Variants in SLIT3 observed in about 807,000 individuals in gnomAD.
SLIT3 encodes the protein slit homolog 3 protein.
A neutral mutation model predicts 184.0 loss-of-function variants in SLIT3; 68 were observed. The ratio of observed to expected loss-of-function variants is 0.37; its 90% confidence interval spans 0.30 to 0.45. The LOEUF (loss-of-function observed/expected upper bound fraction) is 0.45. Among genes scored for constraint, SLIT3 ranks in the 20% least tolerant of loss-of-function variants. The pLI, the probability that SLIT3 is intolerant of heterozygous loss-of-function variation, is 1.00. For missense variants in SLIT3, 1,707 were observed against 2,026.0 expected, an observed-to-expected ratio of 0.84 and a Z score of 3.02; for synonymous variants, 831 against 828.6, an observed-to-expected ratio of 1.00 and a Z score of -0.05.
intron 4 of SLIT3, among the ~76,000 whole-genome samples, chr5:168,920,228 T>C (rs1366513070): frequency 1.3e-5 from 2 of 152,198 alleles, no homozygotes; most frequent in Non-Finnish European, 2.9e-5. Flanking sequence ...GCCCTGTCTC[T>C]GGGTAAGCTA....
At chr5:169,124,643 A>G (rs1185396453) in intron 4 of SLIT3, among the ~76,000 whole-genome samples, 1 of 152,246 alleles carries the variant, frequency 6.6e-6, no homozygotes, top group Non-Finnish European at 1.5e-5. Flanking sequence ...TAAAGAAAGA[A>G]GTTAAATGTT....
intron 1 of SLIT3, among the ~76,000 whole-genome samples, chr5:169,296,478 A>G (rs1395982258): frequency 6.6e-6 from 1 of 152,196 alleles, no homozygotes; most frequent in East Asian, 1.9e-4. Flanking sequence ...TAGTCTGTCC[A>G]GGAGGGCACT....
intron 4 of SLIT3, among the ~76,000 whole-genome samples, chr5:169,128,478 G>A (rs559363951): frequency 6.6e-6 from 1 of 151,908 alleles, no homozygotes; most frequent in African/African-American, 2.4e-5. Context: ...GCCCAGGCTG[G>A]AGTGCAGTGG....
chr5:169,136,774 T>C (rs550944014), intron 4 of SLIT3, among the ~76,000 whole-genome samples: 1 of 151,838 alleles, frequency 6.6e-6, no homozygotes, highest in South Asian at 2.1e-4. Flanking sequence ...GGGTGGGGAG[T>C]GTGTATGAGT....
At chr5:169,178,331 C>G (rs1010364929) in intron 4 of SLIT3, among the ~76,000 whole-genome samples, 4 of 152,114 alleles carry the variant, frequency 2.6e-5, no homozygotes, top group Admixed American at 2.6e-4. Flanking sequence ...TTTGTGAGTC[C>G]CCTACTGCTC....
chr5:168,803,550 G>A (rs1016082502), intron 9 of SLIT3, among the ~76,000 whole-genome samples: 1 of 152,242 alleles, frequency 6.6e-6, no homozygotes, highest in African/African-American at 2.4e-5. Flanking sequence ...GAGCTGAGCT[G>A]TGTATCCACG....
chr5:169,194,789 A>G (rs1234160086), intron 3 of SLIT3, among the ~76,000 whole-genome samples: 6 of 152,248 alleles, frequency 3.9e-5, no homozygotes, highest in East Asian at 1.9e-4. Context: ...TCTCTTAAGC[A>G]TGGTCAATGC....
At chr5:169,118,077 C>G (rs1040254164) in intron 4 of SLIT3, among the ~76,000 whole-genome samples, 1 of 151,914 alleles carries the variant, frequency 6.6e-6, no homozygotes, top group Non-Finnish European at 1.5e-5. Flanking sequence ...CTTTGGGAGG[C>G]CAAGGCGGGA....
intron 10 of SLIT3, chr5:168,789,864 A>G (rs1756296538): frequency 2.0e-6 from 1 of 498,520 alleles, no homozygotes; most frequent in Non-Finnish European, 3.6e-6. Flanking sequence ...AAGAATACTC[A>G]CCCGTGGCAT....
chr5:169,197,620 G>A (rs949811528), intron 3 of SLIT3, among the ~76,000 whole-genome samples: 1 of 151,232 alleles, frequency 6.6e-6, no homozygotes, highest in Non-Finnish European at 1.5e-5. Context: ...CATAGTTCAA[G>A]CTGGAAGTAA....
At chr5:169,021,941 G>A (rs1561612955) in intron 4 of SLIT3, among the ~76,000 whole-genome samples, 1 of 152,076 alleles carries the variant, frequency 6.6e-6, no homozygotes, top group African/African-American at 2.4e-5. Flanking sequence ...TACTGTAATG[G>A]AAGTACACAT....
At chr5:168,756,018 A>C (rs1157115936) in intron 16 of SLIT3, among the ~76,000 whole-genome samples, 2 of 152,254 alleles carry the variant, frequency 1.3e-5, no homozygotes, top group African/African-American at 2.4e-5. Context: ...CCTCCCAAGC[A>C]GACAGCCTAT....
chr5:169,112,873 C>T (rs1429570481), intron 4 of SLIT3, among the ~76,000 whole-genome samples: 2 of 152,140 alleles, frequency 1.3e-5, no homozygotes, highest in Non-Finnish European at 2.9e-5. Flanking sequence ...TCTCCCATGG[C>T]TACTGCTCTC....
intron 4 of SLIT3, among the ~76,000 whole-genome samples, chr5:168,940,387 TAAG>T (rs1336852666): frequency 2.6e-5 from 4 of 152,182 alleles, no homozygotes; most frequent in Non-Finnish European, 5.9e-5. Context: ...AATCAACAGT[TAAG>T]AAGAACCACA....
intron 4 of SLIT3, chr5:169,120,012 C>T (rs1040896969): frequency 2.6e-5 from 4 of 152,220 alleles, no homozygotes; most frequent in African/African-American, 9.6e-5. Flanking sequence ...CGTTCATCAG[C>T]TTTCAAATCC....
chr5:169,050,220 C>T (rs1757767889), intron 4 of SLIT3, among the ~76,000 whole-genome samples: 1 of 152,192 alleles, frequency 6.6e-6, no homozygotes. Flanking sequence ...AAAGCAGAGT[C>T]ACTCGACAGT....
At chr5:169,175,273 A>G (rs1011723245) in intron 4 of SLIT3, among the ~76,000 whole-genome samples, 3 of 152,210 alleles carry the variant, frequency 2.0e-5, no homozygotes, top group Non-Finnish European at 2.9e-5. Flanking sequence ...TTACACAGTG[A>G]ATACTGAGGC....
intron 4 of SLIT3, among the ~76,000 whole-genome samples, chr5:168,914,520 G>A (rs983736954): frequency 2.0e-5 from 3 of 152,176 alleles, no homozygotes; most frequent in Non-Finnish European, 2.9e-5. Context: ...ACTTTTCTGG[G>A]AACATCTCTT....
At chr5:168,672,734 A>G (rs983725427) in intron 33 of SLIT3, among the ~76,000 whole-genome samples, 10 of 152,166 alleles carry the variant, frequency 6.6e-5, no homozygotes, top group African/African-American at 2.4e-4. Context: ...TCAGCCTCCC[A>G]AAGTGTTGGG....
Sources: allele counts gnomAD v4.1 joint callset (sites outside exome capture counted in the v4.1 genomes callset), GRCh38; gene constraint gnomAD v4.1.1; transcripts MANE v1.5; gene names NCBI Gene and HGNC (gene_info 2026-07-23, HGNC 2026-07-21).